VWF: variants seen among roughly 807,000 people sequenced by gnomAD.
VWF encodes the protein von Willebrand factor, also known as Factor VIII related antigen.
In VWF, 176 loss-of-function variants were observed where a neutral mutation model predicts 308.6. The ratio of observed to expected loss-of-function variants is 0.57; its 90% confidence interval spans 0.50 to 0.65. VWF has a LOEUF of 0.65. Ranked by LOEUF, VWF falls within the 30% of genes least tolerant of loss-of-function variation. The probability of loss-of-function intolerance (pLI) is 0.00; values close to 1 mark genes in which losing one functional copy is unlikely to be tolerated. For missense variants in VWF, 3,146 were observed against 3,648.2 expected (o/e 0.86, Z 3.55); for synonymous variants, 1,385 against 1,443.4 (o/e 0.96, Z 0.92).
chr12:6,019,119 A>C lies in VWF; in HGVS notation c.4299T>G (p.Pro1433=), dbSNP rs1379477309. 1.1e-5 allele frequency: 18 copies of C among 1,613,650 alleles called. No individual in the cohort carries two copies. The highest frequency in any genetic ancestry group is 1.5e-5 in the Non-Finnish European group (18 of 1,179,804). ...TGCTCAGCACGAAGGCCTTGTTCTC[A>C]GGGGCCTGCTTCTCGATGAGGCGGA... ...KQIRLIEKQA[P]ENKAFVLSSV... is the part of the protein sequence containing the mutation. The change falls in exon 28 of 52, where the codon CCT becomes CCG. Residue 1433 remains proline, a synonymous_variant. Transcript: ENST00000261405. This position sits in a 1 kb window ranked among gnomAD's most constrained non-coding sequence, Gnocchi z 5.8.
At chr12:6,103,545 TACACACACACACAC>T (rs139889348) in intron 5 of VWF, among the ~76,000 whole-genome samples, 2,434 of 124,170 alleles carry the variant, frequency 0.02, 253 homozygotes, top group African/African-American at 0.08. Flanking sequence ...CATATATGTA[TACACACACACACAC>T]ACACACACAC....
intron 47 of VWF, 87 bp from the exon 48 acceptor site, chr12:5,953,681 C>T: frequency 9.2e-7 from 1 of 1,089,052 alleles, no homozygotes; most frequent in Non-Finnish European, 1.4e-6. Context: ...GGCCTCTCAT[C>T]TCTCTCATCC....
In VWF at chr12:6,018,819, G is replaced by T. The variant is rs774230893; in HGVS notation, c.4599C>A (p.Asp1533Glu). ...ACTGCAGCACCGTGACGTGGATGCTGTCCTGGCCCACATCCATCCGCTGAA... is the reference window on the plus strand; with the variant it reads ...ACTGCAGCACCGTGACGTGGATGCTTTCCTGGCCCACATCCATCCGCTGAA... ...EVIQRMDVGQ[D>E]SIHVTVLQYS... The change falls in exon 28 of 52, where the codon GAC becomes GAA. Residue 1533 changes from aspartate (D) to glutamate (E), a missense_variant. Asp to Glu is a conservative substitution (Grantham distance 45, BLOSUM62 2). This residue lies in a region of VWF where 853 missense variants were observed against 1,177.8 expected (regional missense o/e 0.72). Coordinates refer to ENST00000261405, the MANE Select transcript of VWF (RefSeq NM_000552.5). The T allele has an allele frequency of 6.2e-7, 1 of 1,613,914 alleles. No homozygotes were observed. The highest frequency in any genetic ancestry group is 1.1e-5 in the South Asian group (1 of 91,054).
chr12:6,010,782 C>T (rs1393504711), intron 34 of VWF, among the ~76,000 whole-genome samples: 1 of 152,186 alleles, frequency 6.6e-6, no homozygotes, highest in Non-Finnish European at 1.5e-5. Context: ...CAGAGGCAGG[C>T]AGCCTAAATT....
chr12:6,034,897 G>A (rs1161622549), intron 19 of VWF, 71 bp from the exon 20 acceptor site: 64 of 1,587,964 alleles, frequency 4.0e-5, no homozygotes, highest in Non-Finnish European at 5.0e-5. Flanking sequence ...GGCCATGGAG[G>A]CAATGAAGGA....
At position 5,969,359 on chromosome 12, in the gene VWF, G is replaced by C; in HGVS notation, c.7581C>G (p.Pro2527=). The change falls in exon 45 of 52, where the codon CCC becomes CCG. Residue 2527 remains proline (P), a synonymous_variant. Transcript: ENST00000261405. ...CTCGGACACACTCATTGATGAGGCAGGGGTTCTCCGGGGAGGCCCACTGGG... is the reference window on the plus strand; with the variant it reads ...CTCGGACACACTCATTGATGAGGCACGGGTTCTCCGGGGAGGCCCACTGGG... ...VGSQWASPEN[P]CLINECVRVK... 6.2e-7 allele frequency: 1 copy of C among 1,614,228 alleles called. No homozygotes were observed. Among genetic ancestry groups the C allele is most frequent in the Non-Finnish European group, 8.5e-7 (1 of 1,180,042 alleles).
intron 6 of VWF, among the ~76,000 whole-genome samples, chr12:6,079,642 T>G (rs1405890585): frequency 2.7e-5 from 4 of 148,196 alleles, no homozygotes; most frequent in African/African-American, 9.9e-5. Flanking sequence ...CAAAGAGGAG[T>G]TGGCGTCTTG....
Position 6,019,090 on chromosome 12 carries a change from A to G in VWF, c.4328T>C (p.Val1443Ala). 1.9e-6 allele frequency: 3 copies of G among 1,613,748 alleles called. No individual in the cohort carries two copies. The highest frequency in any genetic ancestry group is 2.5e-6 in the Non-Finnish European group (3 of 1,179,826). Residue 1443 changes from valine (V) to alanine (A), a missense_variant, in exon 28 of 52, where the codon GTG (valine) becomes GCG (alanine). This residue lies in a region of VWF where 853 missense variants were observed against 1,177.8 expected (regional missense o/e 0.72). Transcript: ENST00000261405. The surrounding 1 kb of genome is among the most constrained non-coding windows in gnomAD (Gnocchi z 5.8). ...GTCCCTTTGCTGCTCCAGCTCATCC[A>G]CACTGCTCAGCACGAAGGCCTTGTT... ...PENKAFVLSS[V>A]DELEQQRDEI...
Position 6,103,545 on chromosome 12 carries a change from T to TACAC in VWF, c.532+6825_532+6828dup, listed in dbSNP as rs139889348. Among the ~76,000 whole-genome samples, 218 of 124,200 alleles carry TACAC rather than the reference T, an allele frequency of 1.8e-3. 5 individuals carry two copies. The highest frequency in any genetic ancestry group is 2.3e-3 in the Admixed American group (29 of 12,876). 81.5% of individuals were successfully genotyped at this position (124,200 alleles called of 152,430 possible). On this transcript the variant is annotated intron_variant, in intron 5 of 51. Transcript: ENST00000261405. ...ATATGTGTATATACACATATATGTA[T>TACAC]ACACACACACACACACACACACACA...
intron 3 of VWF, among the ~76,000 whole-genome samples, chr12:6,118,667 A>G (rs1326825712): frequency 6.6e-6 from 1 of 152,154 alleles, no homozygotes; most frequent in Non-Finnish European, 1.5e-5. Context: ...GACTGCAAGC[A>G]TGAGCCATTG....
chr12:5,980,065 AAAAG>A (rs1244337645), intron 42 of VWF, among the ~76,000 whole-genome samples: 5 of 145,618 alleles, frequency 3.4e-5, no homozygotes, highest in African/African-American at 1.0e-4. Context: ...AGAACGAATG[AAAAG>A]AAAGAAAGAA....
intron 29 of VWF, 40 bp downstream of exon 29, chr12:6,016,714 C>T: frequency 1.2e-6 from 2 of 1,614,254 alleles, no homozygotes; most frequent in Non-Finnish European, 1.7e-6. Context: ...CAAAAAGAGC[C>T]TCTTCGTCAC....
intron 25 of VWF, among the ~76,000 whole-genome samples, chr12:6,023,339 T>C (rs1200785820): frequency 6.6e-6 from 1 of 152,166 alleles, no homozygotes; most frequent in African/African-American, 2.4e-5. Flanking sequence ...ATTAAAGACA[T>C]AAATCGACTT....
chr12:5,989,762 G>A (rs2136380405), intron 38 of VWF, among the ~76,000 whole-genome samples: 1 of 151,864 alleles, frequency 6.6e-6, no homozygotes, highest in East Asian at 1.9e-4. Flanking sequence ...TCAGGACCTT[G>A]CAGACATTTG....
At chr12:6,057,371 G>A (rs1225579443) in intron 14 of VWF, among the ~76,000 whole-genome samples, 1 of 145,586 alleles carries the variant, frequency 6.9e-6, no homozygotes, top group African/African-American at 2.6e-5. Context: ...CTGGAGTGCA[G>A]AAATGCGATC....
intron 17 of VWF, among the ~76,000 whole-genome samples, chr12:6,044,848 T>C (rs77286307): frequency 0.021 from 3,266 of 152,220 alleles, 122 homozygotes; most frequent in African/African-American, 0.072. Flanking sequence ...TCCTAAATGG[T>C]TACAACTAAT....
At chr12:6,055,622 G>A (rs775377169) in intron 15 of VWF, among the ~76,000 whole-genome samples, 8 of 151,994 alleles carry the variant, frequency 5.3e-5, no homozygotes, top group Non-Finnish European at 8.8e-5. Flanking sequence ...ACATGAGTTG[G>A]CTCATTGGAC....
Position 5,948,976 on chromosome 12 carries a change from A to C in VWF, c.*39T>G. 1.3e-6 allele frequency: 2 copies of C among 1,595,826 alleles called. No homozygotes were observed. The highest frequency in any genetic ancestry group is 1.7e-6 in the Non-Finnish European group (2 of 1,171,460). On this transcript the variant is annotated 3_prime_UTR_variant, in exon 52 of 52. Coordinates refer to ENST00000261405, the MANE Select transcript of VWF (RefSeq NM_000552.5). This position sits in a 1 kb window ranked among gnomAD's most constrained non-coding sequence, Gnocchi z 4.4. ...GCACTCTGGCCTGGCCATCAGGCCA[A>C]GGCAGGCAGCAGCAGGCACCCATGC...
At chr12:6,028,174 A>C (rs1188243835) in intron 22 of VWF, among the ~76,000 whole-genome samples, 1 of 152,178 alleles carries the variant, frequency 6.6e-6, no homozygotes, top group Non-Finnish European at 1.5e-5. Context: ...TAAAGAAATC[A>C]TGCAAGTTCC....
Sources: allele counts gnomAD v4.1 joint callset (sites outside exome capture counted in the v4.1 genomes callset), GRCh38; gene constraint gnomAD v4.1.1; regional missense constraint gnomAD v4.1.1; non-coding constraint Gnocchi (gnomAD v3.1); transcripts MANE v1.5; gene names NCBI Gene and HGNC (gene_info 2026-07-23, HGNC 2026-07-21).